The following ZNF875 variants were observed in gnomAD, a reference collection of about 807,000 sequenced individuals.
ZNF875 encodes the protein HKR1, GLI-Kruppel zinc finger family member.
Under a neutral mutation model 11.2 loss-of-function variants are expected in ZNF875, and 14 were observed. The observed-to-expected ratio is 1.26, with a 90% CI of 0.83 to 1.96. The LOEUF is 1.96. ZNF875 is among the 30% of genes most tolerant of loss of function. The pLI, the probability that ZNF875 is intolerant of heterozygous loss-of-function variation, is 0.00. For synonymous variants in ZNF875, 301 were observed against 281.1 expected (o/e 1.07, Z -0.71); for missense variants, 752 against 760.4 (o/e 0.99, Z 0.13).
chr19:37,362,361 A>G lies in ZNF875; in HGVS notation c.509A>G (p.Lys170Arg). Residue 170 changes from lysine (K) to arginine (R), a missense_variant, in exon 5 of 5, where the codon AAA becomes AGA. By Grantham distance (26) the Lys-to-Arg change is conservative (BLOSUM62 2). Coordinates refer to ENST00000392153, the MANE Select transcript of ZNF875 (RefSeq NM_001353803.2). ...DSRLLFGRVS[K>R]NGTSKALSSP... ...AGACTCCTGTTTGGGAGAGTAAGCA[A>G]AAATGGCACTTCAAAGGCACTTTCC... 6.2e-7 allele frequency: 1 copy of G among 1,614,190 alleles called. No homozygotes were observed. The highest frequency in any genetic ancestry group is 8.5e-7 in the Non-Finnish European group (1 of 1,180,046).
chr19:37,317,938 A>T (rs1218385746), exon 1 of ZNF875: 1 of 154,978 alleles, frequency 6.5e-6, no homozygotes, highest in Non-Finnish European at 1.4e-5. Flanking sequence ...CCGAGTGCAC[A>T]GTGGCCAGTG....
At chr19:37,322,541 TG>T (rs2031679629) in intron 2 of ZNF875, among the ~76,000 whole-genome samples, 1 of 152,248 alleles carries the variant, frequency 6.6e-6, no homozygotes, top group Admixed American at 6.5e-5. Flanking sequence ...AGTATATGCC[TG>T]GGACTCTGGC....
chr19:37,317,961 C>A (rs10415358), exon 1 of ZNF875: 32,335 of 155,572 alleles, frequency 0.21, 3,629 homozygotes, highest in South Asian at 0.31. Context: ...ATTCCGCAGT[C>A]TTGGGCTGTT....
At chr19:37,313,925 G>C (rs1450325294), upstream of ZNF875, among the ~76,000 whole-genome samples, 1 of 151,984 alleles carries the variant, frequency 6.6e-6, no homozygotes, top group East Asian at 1.9e-4. Context: ...TTGAGTCCTT[G>C]TCATACATAT....
upstream of ZNF875, among the ~76,000 whole-genome samples, chr19:37,314,141 C>T (rs373677900): frequency 2.0e-4 from 31 of 151,984 alleles, no homozygotes; most frequent in African/African-American, 6.3e-4. Context: ...TAGACATGGT[C>T]TCCCTCTTTC....
rs1267845691 is a variant in ZNF875 at position 37,347,444 on chromosome 19, C to T, written c.160+128C>T. 7.3e-6 allele frequency: 6 copies of T among 821,446 alleles called. No homozygotes were observed. The South Asian group carries it at 1.1e-4, about 15-fold the overall frequency. 50.9% of individuals were successfully genotyped at this position (821,446 alleles called of 1,614,324 possible). On this transcript the variant is annotated intron_variant, in intron 3 of 4. Coordinates refer to ENST00000392153, the MANE Select transcript of ZNF875 (RefSeq NM_001353803.2). ...CTTGAAAACAATTTACTTTTTTCCT[C>T]TGGGTAAATCTGGATTTAGTAGAAT...
chr19:37,318,713 G>T (rs2030609691), intron 1 of ZNF875, among the ~76,000 whole-genome samples: 1 of 151,930 alleles, frequency 6.6e-6, no homozygotes, highest in Non-Finnish European at 1.5e-5. Flanking sequence ...AGTAGAGACG[G>T]GGTTTCACTG....
intron 4 of ZNF875, among the ~76,000 whole-genome samples, chr19:37,325,673 G>A (rs1303657689): frequency 1.3e-5 from 2 of 151,538 alleles, no homozygotes; most frequent in Non-Finnish European, 2.9e-5. Context: ...AGCCTTCCAG[G>A]TAGTTTGGAC....
upstream of ZNF875, among the ~76,000 whole-genome samples, chr19:37,333,203 T>C (rs1379996838): frequency 1.3e-5 from 2 of 152,164 alleles, no homozygotes; most frequent in South Asian, 2.1e-4. Context: ...ACATAGTGAT[T>C]TGGATTATCT....
chr19:37,330,385 T>C (rs1261307472), upstream of ZNF875, among the ~76,000 whole-genome samples: 10 of 152,232 alleles, frequency 6.6e-5, no homozygotes, highest in Non-Finnish European at 1.3e-4. Flanking sequence ...CCCTTGAATG[T>C]ACCCTCCAGG....
intron 4 of ZNF875, among the ~76,000 whole-genome samples, chr19:37,349,757 C>T (rs1455296591): frequency 2.0e-5 from 3 of 151,982 alleles, no homozygotes; most frequent in Non-Finnish European, 4.4e-5. Context: ...CAGGTTCAAG[C>T]GATCCTGCTG....
chr19:37,331,880 A>G (rs2033453882), upstream of ZNF875, among the ~76,000 whole-genome samples: 1 of 131,320 alleles, frequency 7.6e-6, no homozygotes, highest in African/African-American at 2.6e-5. Context: ...CTTGCAGTTG[A>G]GACAAGAGGA....
rs545227345 is a variant in ZNF875, at chr19:37,362,026, T to C, written c.257-83T>C. 6.4e-6 allele frequency: 5 copies of C among 775,676 alleles called. No individual in the cohort carries two copies. In the South Asian group the frequency reaches 6.6e-5, roughly 10 times the overall value. 48.0% of individuals were successfully genotyped at this position (775,676 alleles called of 1,614,324 possible). On this transcript the variant is annotated intron_variant, in intron 4 of 4. Coordinates refer to ENST00000392153, the MANE Select transcript of ZNF875 (RefSeq NM_001353803.2). The stretch of plus-strand genomic sequence containing the variant: ...AGCTTGTGATGTAAATATGTAAATA[T>C]ATTATGAATGACCAGTGGGCAAGGC...
chr19:37,320,036 C>T (rs1423293327), intron 1 of ZNF875, among the ~76,000 whole-genome samples: 3 of 152,120 alleles, frequency 2.0e-5, no homozygotes, highest in Non-Finnish European at 4.4e-5. Context: ...TACAGGCACC[C>T]GCCACCACGC....
At chr19:37,347,086 G>A (rs2036932685) in intron 2 of ZNF875, 104 bp from the exon 3 acceptor site, 1 of 1,521,432 alleles carries the variant, frequency 6.6e-7, no homozygotes, top group Non-Finnish European at 9.1e-7. Flanking sequence ...CAAAGTGCTG[G>A]GATTACAGGC....
At chr19:37,318,312 A>G (rs1325022854) in intron 1 of ZNF875, 1 of 152,162 alleles carries the variant, frequency 6.6e-6, no homozygotes, top group Admixed American at 6.5e-5. Flanking sequence ...AATAAAATAC[A>G]TTACTAGTTT....
intron 2 of ZNF875, among the ~76,000 whole-genome samples, chr19:37,336,526 C>T (rs1369762886): frequency 3.3e-5 from 5 of 149,630 alleles, no homozygotes; most frequent in African/African-American, 1.2e-4. Context: ...GTCTCGATCT[C>T]CTGACCTCAT....
rs535630312 is a variant in ZNF875 at position 37,344,393 on chromosome 19, T to C, written c.34-2797T>C. Among the ~76,000 whole-genome samples the C allele has an allele frequency of 9.8e-5, 15 of 152,312 alleles. No homozygotes were observed. In the East Asian group the frequency reaches 2.3e-3, roughly 24 times the overall value. On this transcript the variant is annotated intron_variant, in intron 2 of 4. Transcript: ENST00000392153. ...TTATTTCTAACAAGTTCCCAGGGGA[T>C]GCTGGTGCTGCAGGTTCAGGGAACA...
At chr19:37,352,483 A>G (rs1172216459) in intron 4 of ZNF875, among the ~76,000 whole-genome samples, 2 of 152,008 alleles carry the variant, frequency 1.3e-5, no homozygotes, top group African/African-American at 4.8e-5. Flanking sequence ...GCCTCAGGTG[A>G]TCCACCTGCC....
Sources: gnomAD v4.1 joint callset for allele counts (sites outside exome capture counted in the v4.1 genomes callset) on GRCh38, gnomAD v4.1.1 for gene constraint, MANE v1.5 for transcripts, NCBI Gene and HGNC (gene_info 2026-07-23, HGNC 2026-07-21) for gene names.